Variants in RANBP17 observed in about 807,000 individuals in gnomAD.
RANBP17 encodes the protein ran-binding protein 17.
A neutral mutation model predicts 141.2 loss-of-function variants in RANBP17; 158 were observed. That is an observed-to-expected ratio of 1.12 (90% CI 0.98 to 1.28). The LOEUF is 1.28. RANBP17 is among the 50% of genes most tolerant of loss of function. RANBP17 has a pLI of 0.00. For missense variants in RANBP17, 1,438 were observed against 1,290.7 expected (o/e 1.11, Z -1.75); for synonymous variants, 430 against 450.0 (o/e 0.96, Z 0.56).
chr5:170,983,584 T>G (rs1250343545), intron 14 of RANBP17, among the ~76,000 whole-genome samples: 1 of 152,116 alleles, frequency 6.6e-6, no homozygotes, highest in Non-Finnish European at 1.5e-5. Context: ...ATGAAAATAG[T>G]AAAAGAAATA....
At chr5:171,066,443 A>G (rs534019925) in intron 14 of RANBP17, among the ~76,000 whole-genome samples, 1 of 152,200 alleles carries the variant, frequency 6.6e-6, no homozygotes, top group Non-Finnish European at 1.5e-5. Context: ...TGGATAGCTT[A>G]TTTCACTTAA....
intron 18 of RANBP17, among the ~76,000 whole-genome samples, chr5:171,198,516 A>G (rs190972793): frequency 4.6e-5 from 7 of 152,372 alleles, no homozygotes; most frequent in Admixed American, 3.3e-4. Flanking sequence ...AAATGACTAT[A>G]GATGCCAGTG....
chr5:170,903,346 A>C (rs1020355400), intron 5 of RANBP17, among the ~76,000 whole-genome samples: 1 of 152,198 alleles, frequency 6.6e-6, no homozygotes. Context: ...ACCAAGCTGG[A>C]GCATCCAAGG....
At position 171,298,778 on chromosome 5, in the gene RANBP17, T is replaced by C. The variant is rs1768981677; in HGVS notation, c.3187T>C (p.Ser1063Pro). ...TTTCTGCAGGTTCACCCAAAATCTG[T>C]CTGTATTCAGAAGAGATGTGGCAGA... ...KNRDRFTQNL[S>P]VFRRDVAEAL... The change falls in exon 28 of 28, where the codon TCT (serine) becomes CCT (proline). Residue 1063 changes from serine to proline, a missense_variant. Physicochemically the swap from Ser to Pro is moderately conservative, Grantham distance 74. Transcript: ENST00000523189. The C allele has an allele frequency of 1.2e-6, 2 of 1,614,076 alleles. No individual in the cohort carries two copies. The highest frequency in any genetic ancestry group is 8.5e-7 in the Non-Finnish European group (1 of 1,179,922).
At chr5:170,904,790 C>G (rs1770939359) in intron 5 of RANBP17, among the ~76,000 whole-genome samples, 1 of 152,054 alleles carries the variant, frequency 6.6e-6, no homozygotes, top group Non-Finnish European at 1.5e-5. Flanking sequence ...CAATAAAAAT[C>G]TTGTACAGAT....
chr5:170,944,044 C>T, intron 12 of RANBP17, among the ~76,000 whole-genome samples: 1 of 152,158 alleles, frequency 6.6e-6, no homozygotes, highest in Non-Finnish European at 1.5e-5. Context: ...CACCATTTTA[C>T]ACTCTGTTCC....
chr5:171,234,928 T>TGTGCA (rs1764442321), intron 22 of RANBP17, among the ~76,000 whole-genome samples: 1 of 152,130 alleles, frequency 6.6e-6, no homozygotes, highest in African/African-American at 2.4e-5. Flanking sequence ...TAGGAATGAG[T>TGTGCA]GTGCATGCTT....
At chr5:171,184,839 G>A (rs1761125404) in intron 18 of RANBP17, among the ~76,000 whole-genome samples, 1 of 152,158 alleles carries the variant, frequency 6.6e-6, no homozygotes, top group African/African-American at 2.4e-5. Flanking sequence ...ATGTCATGAT[G>A]TAGATACAAT....
chr5:171,149,879 T>G (rs1758346837), intron 14 of RANBP17, among the ~76,000 whole-genome samples: 1 of 152,196 alleles, frequency 6.6e-6, no homozygotes, highest in African/African-American at 2.4e-5. Flanking sequence ...AACAGCGATC[T>G]CCTCTGTAGA....
chr5:171,004,957 G>A (rs778216452), intron 14 of RANBP17, among the ~76,000 whole-genome samples: 4 of 152,086 alleles, frequency 2.6e-5, no homozygotes, highest in Non-Finnish European at 5.9e-5. Flanking sequence ...CTACAGCGGA[G>A]GCAAGTAGCT....
intron 14 of RANBP17, among the ~76,000 whole-genome samples, chr5:171,057,021 A>C (rs1303020468): frequency 6.6e-6 from 1 of 152,188 alleles, no homozygotes; most frequent in Non-Finnish European, 1.5e-5. Context: ...TATTGATGTC[A>C]AACCTTAACA....
intron 14 of RANBP17, among the ~76,000 whole-genome samples, chr5:171,033,909 C>T (rs1781707289): frequency 6.6e-6 from 1 of 151,990 alleles, no homozygotes; most frequent in African/African-American, 2.4e-5. Context: ...CAAACAATGA[C>T]CCATCTGGGC....
chr5:171,053,900 T>C (rs1783147483), intron 14 of RANBP17, among the ~76,000 whole-genome samples: 2 of 136,122 alleles, frequency 1.5e-5, no homozygotes, highest in East Asian at 2.1e-4. Flanking sequence ...TATATATATA[T>C]ATATATATAT....
chr5:170,933,736 C>A (rs2127462188), intron 12 of RANBP17, among the ~76,000 whole-genome samples: 1 of 152,194 alleles, frequency 6.6e-6, no homozygotes, highest in Middle Eastern at 3.4e-3. Flanking sequence ...GAGTGAGTTT[C>A]TTAATCCTGA....
At chr5:171,219,627 T>C (rs966756623) in intron 21 of RANBP17, among the ~76,000 whole-genome samples, 1 of 151,974 alleles carries the variant, frequency 6.6e-6, no homozygotes, top group Admixed American at 6.6e-5. Flanking sequence ...CTTCATACTT[T>C]ATTTCATTAA....
At chr5:171,252,101 A>G (rs536160914) in intron 24 of RANBP17, 6 of 1,597,826 alleles carry the variant, frequency 3.8e-6, no homozygotes, top group Non-Finnish European at 4.3e-6. Context: ...CAGAAGAAAA[A>G]GTTGGAGTAA....
intron 22 of RANBP17, among the ~76,000 whole-genome samples, chr5:171,234,767 CT>C (rs904099159): frequency 1.3e-5 from 2 of 152,144 alleles, no homozygotes; most frequent in Non-Finnish European, 2.9e-5. Flanking sequence ...CCAAAGTTCC[CT>C]TTTGGTTATG....
At chr5:170,942,720 T>G (rs925568855) in intron 12 of RANBP17, among the ~76,000 whole-genome samples, 11 of 152,122 alleles carry the variant, frequency 7.2e-5, no homozygotes, top group Non-Finnish European at 1.3e-4. Context: ...ACTGGGTAGG[T>G]GTTTGTTTTG....
At chr5:171,041,770 T>A (rs1306467005) in intron 14 of RANBP17, among the ~76,000 whole-genome samples, 1 of 152,118 alleles carries the variant, frequency 6.6e-6, no homozygotes, top group South Asian at 2.1e-4. Flanking sequence ...CTGGGATACA[T>A]GTGCAAGATG....
Sources: gnomAD v4.1 joint callset for allele counts (sites outside exome capture counted in the v4.1 genomes callset) on GRCh38, gnomAD v4.1.1 for gene constraint, MANE v1.5 for transcripts, NCBI Gene and HGNC (gene_info 2026-07-23, HGNC 2026-07-21) for gene names.